TNFRSF19: variants seen among roughly 807,000 people sequenced by gnomAD.
TNFRSF19 encodes tumor necrosis factor receptor superfamily member 19.
Under a neutral mutation model 46.4 loss-of-function variants are expected in TNFRSF19, and 27 were observed. The observed-to-expected ratio is 0.58, with a 90% CI of 0.43 to 0.80. TNFRSF19 has a LOEUF of 0.80. TNFRSF19 is among the 30% of genes least tolerant of loss of function. TNFRSF19 has a pLI of 0.00. For synonymous variants in TNFRSF19, 204 were observed against 205.0 expected (o/e 1.00, Z 0.04); for missense variants, 511 against 530.8 (o/e 0.96, Z 0.37).
chr13:23,653,406 C>G (rs982632848), intron 5 of TNFRSF19, among the ~76,000 whole-genome samples: 1 of 152,112 alleles, frequency 6.6e-6, no homozygotes, highest in African/African-American at 2.4e-5. Context: ...GTGAACCAAA[C>G]AAGTAAAGTA....
intron 7 of TNFRSF19, among the ~76,000 whole-genome samples, chr13:23,667,658 A>G (rs1472228273): frequency 6.6e-6 from 1 of 152,140 alleles, no homozygotes; most frequent in Non-Finnish European, 1.5e-5. Flanking sequence ...CATCACCACC[A>G]TTCACCTTCC....
intron 5 of TNFRSF19, among the ~76,000 whole-genome samples, chr13:23,641,814 A>G (rs1052564429): frequency 3.3e-5 from 5 of 152,262 alleles, no homozygotes; most frequent in Non-Finnish European, 4.4e-5. Context: ...GGCAACATCC[A>G]GATAAATTTG....
chr13:23,640,595 C>T (rs1031691789), intron 5 of TNFRSF19, among the ~76,000 whole-genome samples: 2 of 152,200 alleles, frequency 1.3e-5, no homozygotes, highest in African/African-American at 4.8e-5. Context: ...CTCCTGCACA[C>T]CTTCTCCTCT....
intron 3 of TNFRSF19, among the ~76,000 whole-genome samples, chr13:23,607,819 C>T (rs570120329): frequency 2.0e-5 from 3 of 152,308 alleles, no homozygotes; most frequent in African/African-American, 7.2e-5. Context: ...GAGGTTCTTT[C>T]AATTACAAAC....
chr13:23,658,935 A>T (rs1015020138), intron 5 of TNFRSF19, 115 bp from the exon 6 acceptor site: 19 of 1,354,878 alleles, frequency 1.4e-5, no homozygotes, highest in Admixed American at 5.3e-5. Flanking sequence ...TAAATATCTC[A>T]TGCCAGTTTT....
At chr13:23,601,972 G>C (rs1046968914) in intron 3 of TNFRSF19, among the ~76,000 whole-genome samples, 23 of 152,076 alleles carry the variant, frequency 1.5e-4, no homozygotes, top group Non-Finnish European at 1.2e-4. Flanking sequence ...GAACAAATAA[G>C]AAGGCCAAGA....
chr13:23,634,133 T>C (rs1421556122), intron 5 of TNFRSF19, among the ~76,000 whole-genome samples: 1 of 152,254 alleles, frequency 6.6e-6, no homozygotes, highest in East Asian at 1.9e-4. Flanking sequence ...TTGAAATCTT[T>C]CAAATTTAGC....
intron 3 of TNFRSF19, among the ~76,000 whole-genome samples, chr13:23,596,320 A>C (rs141414236): frequency 0.079 from 11,953 of 152,256 alleles, 686 homozygotes; most frequent in East Asian, 0.28. Flanking sequence ...ATAAAGAGTC[A>C]AGACCCATCA....
intron 3 of TNFRSF19, among the ~76,000 whole-genome samples, chr13:23,595,021 G>A (rs1436450796): frequency 1.3e-5 from 2 of 152,182 alleles, no homozygotes; most frequent in Non-Finnish European, 1.5e-5. Context: ...GAAGCAAAGG[G>A]CCTGACTGTT....
chr13:23,595,330 C>G (rs1879638057), intron 3 of TNFRSF19, among the ~76,000 whole-genome samples: 1 of 152,150 alleles, frequency 6.6e-6, no homozygotes, highest in South Asian at 2.1e-4. Context: ...GGAGCATGTT[C>G]TAACCCAATG....
chr13:23,671,121 G>T (rs1385430769), intron 9 of TNFRSF19, among the ~76,000 whole-genome samples: 1 of 152,158 alleles, frequency 6.6e-6, no homozygotes, highest in Non-Finnish European at 1.5e-5. Flanking sequence ...GTATGAACAT[G>T]ATATTTTAGA....
chr13:23,671,307 A>T (rs944121716), intron 9 of TNFRSF19, among the ~76,000 whole-genome samples: 3 of 152,220 alleles, frequency 2.0e-5, no homozygotes, highest in Non-Finnish European at 2.9e-5. Context: ...GTTGCACAGT[A>T]TAATAATTTA....
intron 9 of TNFRSF19, among the ~76,000 whole-genome samples, chr13:23,670,721 G>A (rs1028880965): frequency 2.0e-5 from 3 of 152,212 alleles, no homozygotes; most frequent in African/African-American, 7.2e-5. Context: ...AGCAGAGAGC[G>A]TCCACTGACG....
chr13:23,633,970 TA>T (rs1882523100), intron 5 of TNFRSF19, among the ~76,000 whole-genome samples: 1 of 152,250 alleles, frequency 6.6e-6, no homozygotes, highest in South Asian at 2.1e-4. Flanking sequence ...TTTATATAAT[TA>T]TTTAGCTATT....
intron 7 of TNFRSF19, among the ~76,000 whole-genome samples, chr13:23,666,654 A>G (rs1951638795): frequency 1.3e-5 from 2 of 152,208 alleles, no homozygotes; most frequent in Non-Finnish European, 2.9e-5. Flanking sequence ...CAGCCTTTCT[A>G]TAAGGAATGG....
chr13:23,638,853 T>A (rs955240642), intron 5 of TNFRSF19, among the ~76,000 whole-genome samples: 3 of 152,188 alleles, frequency 2.0e-5, no homozygotes, highest in African/African-American at 7.2e-5. Flanking sequence ...TGCCCTTCAG[T>A]CCTGTTTTCC....
At chr13:23,672,732 GTT>G (rs1951777261) in intron 9 of TNFRSF19, among the ~76,000 whole-genome samples, 1 of 152,150 alleles carries the variant, frequency 6.6e-6, no homozygotes, top group Non-Finnish European at 1.5e-5. Flanking sequence ...ATGTTCAGTG[GTT>G]TCACTTGTCC....
chr13:23,615,950 A>G lies in TNFRSF19; in HGVS notation c.264A>G (p.Lys88=). 6.2e-7 allele frequency: 1 copy of G among 1,614,060 alleles called. No homozygotes were observed. Among genetic ancestry groups the G allele is most frequent in the Non-Finnish European group, 8.5e-7 (1 of 1,179,942 alleles). ...HRFKEDWGFQ[K]CKPCLDCAVV... is the part of the protein sequence containing the mutation. ...TCAAGGAGGACTGGGGCTTCCAGAA[A>G]TGCAAGCCCTGTCTGGACTGCGCAG... Residue 88 remains lysine, a synonymous_variant, in exon 4 of 10, where the codon AAA becomes AAG. Coordinates refer to ENST00000248484, the MANE Select transcript of TNFRSF19 (RefSeq NM_148957.4).
intron 5 of TNFRSF19, among the ~76,000 whole-genome samples, chr13:23,636,712 G>A (rs891577987): frequency 3.9e-5 from 6 of 152,180 alleles, no homozygotes; most frequent in Non-Finnish European, 7.3e-5. Context: ...TGACTGAGTC[G>A]ATAGGTGCAT....
Sources: allele counts gnomAD v4.1 joint callset (sites outside exome capture counted in the v4.1 genomes callset), GRCh38; gene constraint gnomAD v4.1.1; transcripts MANE v1.5; gene names NCBI Gene and HGNC (gene_info 2026-07-23, HGNC 2026-07-21).